FCRL5: variants seen among roughly 807,000 people sequenced by gnomAD.
FCRL5 encodes the protein Fc receptor like 5.
In FCRL5, 79 loss-of-function variants were observed where a neutral mutation model predicts 92.1. The observed-to-expected ratio is 0.86, with a 90% CI of 0.72 to 1.03. FCRL5 has a LOEUF of 1.03. FCRL5 is among the 50% of genes least tolerant of loss of function. The pLI is 0.00. For missense variants in FCRL5, 1,160 were observed against 1,181.1 expected, an observed-to-expected ratio of 0.98 and a Z score of 0.26; for synonymous variants, 466 against 469.3, an observed-to-expected ratio of 0.99 and a Z score of 0.09.
At chr1:157,524,177 A>G in intron 10 of FCRL5, 102 bp downstream of exon 10, 1 of 1,302,834 alleles carries the variant, frequency 7.7e-7, no homozygotes, top group Non-Finnish European at 1.1e-6. Flanking sequence ...GATGCCACAC[A>G]AGCAAACAGC....
chr1:157,523,394 A>G (rs559483790), intron 10 of FCRL5, among the ~76,000 whole-genome samples: 2 of 152,274 alleles, frequency 1.3e-5, no homozygotes, highest in South Asian at 4.1e-4. Flanking sequence ...GATGATCATG[A>G]TTTTCATCTA....
intron 8 of FCRL5, 156 bp downstream of exon 8, chr1:157,534,458 A>AGTAC: frequency 1.2e-6 from 1 of 832,452 alleles, no homozygotes; most frequent in Non-Finnish European, 2.0e-6. Flanking sequence ...AGGACTTATG[A>AGTAC]GTACGGAAAA....
chr1:157,515,555 AACAAAGGCCAGTAGAT>A lies in FCRL5; in HGVS notation c.*104_*119del. 6.2e-7 allele frequency: 1 copy of A among 1,605,706 alleles called. No homozygotes were observed. Among genetic ancestry groups the A allele is most frequent in the South Asian group, 1.1e-5 (1 of 90,114 alleles). On this transcript the variant is annotated 3_prime_UTR_variant, in exon 17 of 17. Transcript: ENST00000361835. Reference sequence around the variant, plus strand: ...TCAGACTGAGAATGAGGACATGTGAAACAAAGGCCAGTAGATATGGTCTGGGGCAGCCTAAATCTTC... The same window carrying A: ...TCAGACTGAGAATGAGGACATGTGAAATGGTCTGGGGCAGCCTAAATCTTC...
intron 7 of FCRL5, 113 bp from the exon 8 acceptor site, chr1:157,535,005 C>T (rs1650902392): frequency 1.0e-5 from 10 of 1,002,688 alleles, no homozygotes; most frequent in South Asian, 2.3e-5. Context: ...ACTTCACCTA[C>T]CTGGAGGGCA....
At chr1:157,536,133 G>A (rs894640254) in intron 7 of FCRL5, among the ~76,000 whole-genome samples, 1 of 151,780 alleles carries the variant, frequency 6.6e-6, no homozygotes. Flanking sequence ...GTAGACACAG[G>A]ATTTCACTAT....
At chr1:157,518,375 G>T in intron 15 of FCRL5, 54 bp downstream of exon 15, 3 of 1,475,348 alleles carry the variant, frequency 2.0e-6, no homozygotes, top group Non-Finnish European at 2.8e-6. Flanking sequence ...TAGAAACTGA[G>T]CTATACTGTC....
Position 157,543,137 on chromosome 1 carries a change from ACT to A in FCRL5, c.845-2_845-1del. 6.2e-7 allele frequency: 1 copy of A among 1,612,404 alleles called. No individual in the cohort carries two copies. The highest frequency in any genetic ancestry group is 8.5e-7 in the Non-Finnish European group (1 of 1,179,188). On this transcript the variant is annotated splice_acceptor_variant, in intron 5 of 16. Coordinates refer to ENST00000361835, the MANE Select transcript of FCRL5 (RefSeq NM_031281.3). LOFTEE classifies it high-confidence loss of function. ...AGTGAGGACAGGATGAGATGCAGGG[ACT>A]GAGCAAGAGAAAAAATTAGTCAAGA...
chr1:157,536,603 CT>C (rs528714482), intron 7 of FCRL5, among the ~76,000 whole-genome samples: 43 of 152,374 alleles, frequency 2.8e-4, no homozygotes, highest in African/African-American at 9.6e-4. Context: ...CCTTACTCTG[CT>C]TCTAAGTAGG....
chr1:157,524,119 G>C, intron 10 of FCRL5, 160 bp downstream of exon 10: 1 of 665,770 alleles, frequency 1.5e-6, no homozygotes. Context: ...ATACCACAAA[G>C]GATCCGAGAC....
chr1:157,538,694 T>C (rs182747251), intron 7 of FCRL5, among the ~76,000 whole-genome samples: 3 of 152,350 alleles, frequency 2.0e-5, no homozygotes, highest in Non-Finnish European at 4.4e-5. Context: ...TGATGTCTGA[T>C]GTTAACTGGA....
intron 9 of FCRL5, among the ~76,000 whole-genome samples, chr1:157,527,219 A>C (rs1015627268): frequency 2.6e-5 from 4 of 152,218 alleles, no homozygotes; most frequent in African/African-American, 9.6e-5. Flanking sequence ...TGAGCCAATA[A>C]GAGAATTGTG....
intron 15 of FCRL5, 94 bp from the exon 16 acceptor site, chr1:157,515,967 G>T (rs1166977662): frequency 8.6e-6 from 12 of 1,393,746 alleles, no homozygotes; most frequent in Admixed American, 7.2e-5. Flanking sequence ...CCTCCTGGAG[G>T]CCCGCTCTCC....
At chr1:157,534,575 C>G (rs1650857397) in intron 8 of FCRL5, 39 bp downstream of exon 8, 27 of 1,613,166 alleles carry the variant, frequency 1.7e-5, no homozygotes, top group East Asian at 2.2e-5. Flanking sequence ...AGAGAGAACT[C>G]AGCCAGGGGT....
chr1:157,515,934 T>C (rs1319510845), intron 15 of FCRL5, 61 bp from the exon 16 acceptor site: 22 of 1,592,952 alleles, frequency 1.4e-5, no homozygotes, highest in Non-Finnish European at 1.9e-5. Flanking sequence ...CCCTTGTGCC[T>C]GCGCTGTGGG....
rs1466824364 is a variant in FCRL5 at position 157,527,739 on chromosome 1, G to A, written c.1838C>T (p.Pro613Leu). The A allele has an allele frequency of 6.2e-7, 1 of 1,614,158 alleles. No homozygotes were observed. Among genetic ancestry groups the A allele is most frequent in the South Asian group, 1.1e-5 (1 of 91,082 alleles). Residue 613 changes from proline to leucine, a missense_variant, in exon 9 of 17, where the codon CCC becomes CTC. Coordinates refer to ENST00000361835, the MANE Select transcript of FCRL5 (RefSeq NM_031281.3). ...EDVTLGSSSA[P>L]SGGEASFNLS... The stretch of plus-strand genomic sequence containing the variant: ...GTTGAAAGAAGCTTCTCCTCCAGAG[G>A]GGGCTGAGCTGCTCCCCAGGGTGAC...
intron 10 of FCRL5, chr1:157,521,779 T>C (rs1014443520): frequency 6.5e-6 from 1 of 153,874 alleles, no homozygotes; most frequent in African/African-American, 2.4e-5. Context: ...CTGCTTCTAG[T>C]GGGCCAGGTG....
At chr1:157,549,455 A>T (rs1045990791) in intron 2 of FCRL5, 105 bp downstream of exon 2, 1 of 1,032,828 alleles carries the variant, frequency 9.7e-7, no homozygotes, top group Non-Finnish European at 1.4e-6. Flanking sequence ...GAAAGAAAAC[A>T]GGAGATATTG....
chr1:157,544,488 T>G lies in FCRL5; in HGVS notation c.618A>C (p.Pro206=). ...ASSFQPISGN[P]VTLTCETQLS... ...GCTGGGTCTCACAGGTCAGGGTCAC[T>G]GGGTTCCCGCTGATGGGCTGGAAGG... The change falls in exon 5 of 17, where the codon CCA becomes CCC. Residue 206 remains proline (P), a synonymous_variant. Coordinates refer to ENST00000361835, the MANE Select transcript of FCRL5 (RefSeq NM_031281.3). 4 of 1,614,194 alleles carry G rather than the reference T, an allele frequency of 2.5e-6. No homozygotes were observed. Among genetic ancestry groups the G allele is most frequent in the Non-Finnish European group, 2.5e-6 (3 of 1,180,028 alleles).
At position 157,527,956 on chromosome 1, in the gene FCRL5, C is replaced by G. The variant is rs1650513367; in HGVS notation, c.1682-61G>C. 3 of 1,463,954 alleles carry G rather than the reference C, an allele frequency of 2.0e-6. No individual in the cohort carries two copies. In the South Asian group the frequency reaches 4.6e-5, roughly 23 times the overall value. 90.7% of individuals were successfully genotyped at this position (1,463,954 alleles called of 1,614,324 possible). On this transcript the variant is annotated intron_variant, in intron 8 of 16. Transcript: ENST00000361835. ...TTAAAATTAGAAACAGCTCTTTGTCCTAGCCAGAACAATCAGACAAGAGAA... is the reference window on the plus strand; with the variant it reads ...TTAAAATTAGAAACAGCTCTTTGTCGTAGCCAGAACAATCAGACAAGAGAA...
Sources: allele counts gnomAD v4.1 joint callset (sites outside exome capture counted in the v4.1 genomes callset), GRCh38; gene constraint gnomAD v4.1.1; transcripts MANE v1.5; gene names NCBI Gene and HGNC (gene_info 2026-07-23, HGNC 2026-07-21).